ARHGAP32: variants seen among roughly 807,000 people sequenced by gnomAD.
ARHGAP32 encodes the protein Rho GTPase activating protein 32, also known as rho GTPase-activating protein 32.
A neutral mutation model predicts 186.5 loss-of-function variants in ARHGAP32; 51 were observed. That is an observed-to-expected ratio of 0.27 (90% CI 0.22 to 0.35). ARHGAP32 has a LOEUF of 0.35. ARHGAP32 is among the 10% of genes least tolerant of loss of function. The pLI, the probability that ARHGAP32 is intolerant of heterozygous loss-of-function variation, is 1.00. For missense variants in ARHGAP32, 2,186 were observed against 2,623.5 expected (o/e 0.83, Z 3.64); for synonymous variants, 950 against 964.3 (o/e 0.99, Z 0.27).
At chr11:129,024,129 A>C in intron 11 of ARHGAP32, 1 of 985,452 alleles carries the variant, frequency 1.0e-6, no homozygotes, top group Non-Finnish European at 1.2e-6. Flanking sequence ...CCAGCAAGCC[A>C]GCAAGTGTGT....
At chr11:129,210,180 T>C (rs751216137) in intron 1 of ARHGAP32, among the ~76,000 whole-genome samples, 7 of 152,216 alleles carry the variant, frequency 4.6e-5, no homozygotes, top group Non-Finnish European at 7.3e-5. Context: ...AGCATTCATG[T>C]CAGAAGACAA....
intron 2 of ARHGAP32, among the ~76,000 whole-genome samples, chr11:129,126,835 T>C (rs920388152): frequency 6.6e-6 from 1 of 152,118 alleles, no homozygotes; most frequent in Non-Finnish European, 1.5e-5. Flanking sequence ...GATCACCTGG[T>C]TTTGCCATTA....
At chr11:129,250,597 G>C (rs371350846) in intron 1 of ARHGAP32, among the ~76,000 whole-genome samples, 26 of 152,284 alleles carry the variant, frequency 1.7e-4, no homozygotes, top group Non-Finnish European at 2.2e-4. Flanking sequence ...GGTTCCTACA[G>C]AACACTGAGG....
At chr11:129,214,192 T>C (rs1436343617) in intron 1 of ARHGAP32, among the ~76,000 whole-genome samples, 1 of 152,010 alleles carries the variant, frequency 6.6e-6, no homozygotes, top group African/African-American at 2.4e-5. Context: ...GCATCCCAGA[T>C]GAAATCCTGG....
At chr11:129,058,206 C>T (rs1020589122) in intron 10 of ARHGAP32, among the ~76,000 whole-genome samples, 2 of 122,796 alleles carry the variant, frequency 1.6e-5, no homozygotes, top group East Asian at 2.4e-4. Flanking sequence ...CACACACACA[C>T]ACACACACAC....
In ARHGAP32 at chr11:128,965,779, G is replaced by A. The variant is rs533914167; in HGVS notation, c.*3128C>T. 1 of 152,330 alleles carries A rather than the reference G, an allele frequency of 6.6e-6. No individual in the cohort carries two copies. The highest frequency in any genetic ancestry group is 1.5e-5 in the Non-Finnish European group (1 of 68,042). 9.4% of individuals were successfully genotyped at this position (152,330 alleles called of 1,614,324 possible). ...TGAAAACAGAGAAATGGACTTTGCAGGCTCCTTCTTTAACTAAAGGGGCAA... is the reference window on the plus strand; with the variant it reads ...TGAAAACAGAGAAATGGACTTTGCAAGCTCCTTCTTTAACTAAAGGGGCAA... On this transcript the variant is annotated 3_prime_UTR_variant, in exon 23 of 23. Transcript: ENST00000682385.
At chr11:129,083,327 C>T (rs1002355754) in intron 6 of ARHGAP32, among the ~76,000 whole-genome samples, 3 of 152,116 alleles carry the variant, frequency 2.0e-5, no homozygotes, top group Non-Finnish European at 4.4e-5. Context: ...GGAAGCAGCC[C>T]AAATGCCCAT....
At chr11:129,174,371 G>A (rs542813901) in intron 1 of ARHGAP32, among the ~76,000 whole-genome samples, 12 of 152,272 alleles carry the variant, frequency 7.9e-5, no homozygotes, top group East Asian at 7.7e-4. Context: ...GGGGAGGGGC[G>A]CCCACCATTG....
chr11:129,027,829 C>T (rs547393083), intron 11 of ARHGAP32, among the ~76,000 whole-genome samples: 38 of 152,296 alleles, frequency 2.5e-4, no homozygotes, highest in Non-Finnish European at 4.4e-4. Context: ...TCTAGTCACA[C>T]GTGAATACAA....
intron 6 of ARHGAP32, among the ~76,000 whole-genome samples, chr11:129,083,487 T>C (rs1239838678): frequency 6.6e-6 from 1 of 152,164 alleles, no homozygotes; most frequent in Non-Finnish European, 1.5e-5. Flanking sequence ...AACCCAACAT[T>C]GTATGTTCGT....
chr11:129,013,234 G>C (rs556530886), intron 11 of ARHGAP32, among the ~76,000 whole-genome samples: 2 of 152,332 alleles, frequency 1.3e-5, no homozygotes, highest in East Asian at 3.9e-4. Flanking sequence ...AGGGCTCTGG[G>C]AAACTGTGCT....
intron 1 of ARHGAP32, among the ~76,000 whole-genome samples, chr11:129,177,722 T>G (rs1026120748): frequency 6.6e-6 from 1 of 152,150 alleles, no homozygotes; most frequent in Non-Finnish European, 1.5e-5. Flanking sequence ...AAAAGGCCTT[T>G]GACAAAATTC....
intron 1 of ARHGAP32, among the ~76,000 whole-genome samples, chr11:129,186,308 TC>T (rs1166046433): frequency 1.3e-5 from 2 of 152,166 alleles, no homozygotes; most frequent in African/African-American, 4.8e-5. Context: ...CACCTTGGAC[TC>T]CATCCCAAAG....
chr11:129,238,732 T>A (rs1161715244), intron 1 of ARHGAP32, among the ~76,000 whole-genome samples: 1 of 148,400 alleles, frequency 6.7e-6, no homozygotes, highest in Non-Finnish European at 1.5e-5. Flanking sequence ...ACCAACCAAT[T>A]GCATAATCAT....
chr11:129,250,114 G>A (rs1200646799), intron 1 of ARHGAP32, among the ~76,000 whole-genome samples: 1 of 152,066 alleles, frequency 6.6e-6, no homozygotes, highest in Non-Finnish European at 1.5e-5. Context: ...CTGCTCAGGA[G>A]GGTGAAGTGG....
At chr11:129,005,293 C>T (rs1190091318) in intron 11 of ARHGAP32, among the ~76,000 whole-genome samples, 2 of 152,168 alleles carry the variant, frequency 1.3e-5, no homozygotes, top group Admixed American at 1.3e-4. Flanking sequence ...GCAGTTTACA[C>T]ACCACAGTTA....
At chr11:128,982,704 C>T (rs1464770374) in intron 15 of ARHGAP32, among the ~76,000 whole-genome samples, 1 of 151,406 alleles carries the variant, frequency 6.6e-6, no homozygotes, top group Non-Finnish European at 1.5e-5. Context: ...CTGGGCAACA[C>T]AGTGAAACCC....
At chr11:129,190,271 T>C (rs887024213) in intron 1 of ARHGAP32, among the ~76,000 whole-genome samples, 17 of 152,282 alleles carry the variant, frequency 1.1e-4, no homozygotes, top group Middle Eastern at 3.4e-3. Context: ...CACCACGAGG[T>C]TGTGAAACCA....
chr11:129,022,474 C>T (rs542969918), intron 11 of ARHGAP32, among the ~76,000 whole-genome samples: 27 of 152,070 alleles, frequency 1.8e-4, no homozygotes, highest in African/African-American at 6.3e-4. Context: ...TGGAATCAGA[C>T]CAAAGGGTTA....
Sources: gnomAD v4.1 joint callset for allele counts (sites outside exome capture counted in the v4.1 genomes callset) on GRCh38, gnomAD v4.1.1 for gene constraint, MANE v1.5 for transcripts, NCBI Gene and HGNC (gene_info 2026-07-23, HGNC 2026-07-21) for gene names.